The following SLC9A4 variants were observed in gnomAD, a reference collection of about 807,000 sequenced individuals.
SLC9A4 encodes solute carrier family 9 member A4.
Under a neutral mutation model 67.4 loss-of-function variants are expected in SLC9A4, and 63 were observed. The observed-to-expected ratio is 0.93, with a 90% confidence interval of 0.76 to 1.15. SLC9A4 has a LOEUF of 1.15. Among genes scored for constraint, SLC9A4 ranks in the 50% most tolerant of loss-of-function variants. The probability of loss-of-function intolerance (pLI) is 0.00; values close to 1 mark genes in which losing one functional copy is unlikely to be tolerated. For synonymous variants in SLC9A4, 393 were observed against 367.2 expected (o/e 1.07, Z -0.80); for missense variants, 1,089 against 987.7 (o/e 1.10, Z -1.38).
chr2:102,475,689 T>C (rs1199805299), intron 1 of SLC9A4, among the ~76,000 whole-genome samples: 11 of 152,220 alleles, frequency 7.2e-5, no homozygotes, highest in Admixed American at 7.2e-4. Context: ...TACAATTTCA[T>C]ATTTACTAGT....
intron 2 of SLC9A4, among the ~76,000 whole-genome samples, chr2:102,487,425 C>A (rs1684611015): frequency 1.3e-5 from 2 of 152,106 alleles, no homozygotes; most frequent in South Asian, 4.1e-4. Flanking sequence ...AACAGACAAC[C>A]CCTTTACTTC....
intron 2 of SLC9A4, among the ~76,000 whole-genome samples, chr2:102,499,709 G>T (rs1415709681): frequency 6.6e-6 from 1 of 152,152 alleles, no homozygotes; most frequent in East Asian, 1.9e-4. Flanking sequence ...TTATCTTTGA[G>T]GGAAGAAGGC....
intron 2 of SLC9A4, among the ~76,000 whole-genome samples, chr2:102,497,900 CTAA>C (rs1292281825): frequency 3.9e-5 from 6 of 152,186 alleles, no homozygotes; most frequent in African/African-American, 1.4e-4. Flanking sequence ...GGTCGAAGGA[CTAA>C]TGTTTTTAGT....
chr2:102,522,809 A>T (rs1674552865), intron 9 of SLC9A4, among the ~76,000 whole-genome samples: 1 of 152,234 alleles, frequency 6.6e-6, no homozygotes, highest in African/African-American at 2.4e-5. Flanking sequence ...ACAAGAATTC[A>T]TATTTCAAAA....
At chr2:102,510,020 T>A (rs894917429) in intron 6 of SLC9A4, among the ~76,000 whole-genome samples, 3 of 145,680 alleles carry the variant, frequency 2.1e-5, no homozygotes, top group African/African-American at 5.0e-5. Flanking sequence ...TTTTTTTTTT[T>A]ATAAAGGTAG....
intron 2 of SLC9A4, among the ~76,000 whole-genome samples, chr2:102,493,686 A>G (rs1195070730): frequency 1.3e-5 from 2 of 151,602 alleles, no homozygotes; most frequent in African/African-American, 4.9e-5. Flanking sequence ...TAGCTTCCAT[A>G]TCATCCACTC....
At chr2:102,475,713 G>C (rs1029701648) in intron 1 of SLC9A4, among the ~76,000 whole-genome samples, 3 of 152,082 alleles carry the variant, frequency 2.0e-5, no homozygotes, top group African/African-American at 4.8e-5. Context: ...CAAGAATTTA[G>C]ATTATTTTTA....
Position 102,532,810 on chromosome 2 carries a change from A to G in SLC9A4, c.*122A>G. 9.5e-7 allele frequency: 1 copy of G among 1,057,484 alleles called. No individual in the cohort carries two copies. Among genetic ancestry groups the G allele is most frequent in the Non-Finnish European group, 1.3e-6 (1 of 742,980 alleles). The allele number at this position is 1,057,484 out of a possible 1,614,324, so 65.5% of individuals were successfully genotyped here. A position where few individuals can be genotyped will look rare whatever the true frequency, so the allele number is the denominator to read the frequency against. On this transcript the variant is annotated 3_prime_UTR_variant, in exon 12 of 12. Transcript: ENST00000295269. ...GTTTGCTGTGTTGAAGCTATTAAAC[A>G]TGGATCTATAAGCAGCAGGAAGATT...
At chr2:102,522,059 G>A (rs943737626) in intron 9 of SLC9A4, among the ~76,000 whole-genome samples, 5 of 152,126 alleles carry the variant, frequency 3.3e-5, no homozygotes, top group Admixed American at 6.5e-5. Flanking sequence ...GGAGGTTCCC[G>A]GTAGGACAAC....
Position 102,473,914 on chromosome 2 carries a change from A to T in SLC9A4, c.155A>T (p.Glu52Val), listed in dbSNP as rs1221139883. The T allele has an allele frequency of 6.2e-7, 1 of 1,614,012 alleles. No individual in the cohort carries two copies. The highest frequency in any genetic ancestry group is 1.3e-5 in the African/African-American group (1 of 74,934). Residue 52 changes from glutamate (E) to valine (V), a missense_variant, in exon 1 of 12, where the codon GAG becomes GTG. Coordinates refer to ENST00000295269, the MANE Select transcript of SLC9A4 (RefSeq NM_001011552.4). ...GCTTGGTTTGCTGCTGCCAGCTCAGAGCCAGAGGAAGGGATATCTGTTTTT... is the reference window on the plus strand; with the variant it reads ...GCTTGGTTTGCTGCTGCCAGCTCAGTGCCAGAGGAAGGGATATCTGTTTTT... ...SNAWFAAASS[E>V]PEEGISVFEL... is the part of the protein sequence containing the mutation.
chr2:102,523,405 T>C (rs1674589140), intron 9 of SLC9A4, among the ~76,000 whole-genome samples: 1 of 152,176 alleles, frequency 6.6e-6, no homozygotes, highest in Non-Finnish European at 1.5e-5. Flanking sequence ...AACAATGAAC[T>C]GCAAGCCGAT....
At chr2:102,528,428 T>C (rs1275721764) in intron 11 of SLC9A4, among the ~76,000 whole-genome samples, 1 of 152,020 alleles carries the variant, frequency 6.6e-6, no homozygotes, top group East Asian at 1.9e-4. Flanking sequence ...ATTTAAATTT[T>C]TTTAGAAAAA....
At chr2:102,526,808 T>C (rs1248189780) in intron 11 of SLC9A4, among the ~76,000 whole-genome samples, 1 of 152,218 alleles carries the variant, frequency 6.6e-6, no homozygotes, top group East Asian at 1.9e-4. Flanking sequence ...GATTAAATGT[T>C]TTCCATTTAA....
At chr2:102,486,087 A>G (rs762415565) in intron 2 of SLC9A4, among the ~76,000 whole-genome samples, 24 of 152,178 alleles carry the variant, frequency 1.6e-4, no homozygotes, top group Non-Finnish European at 2.9e-4. Context: ...TCCTGCCTCA[A>G]AAGGGACCCT....
Position 102,512,271 on chromosome 2 carries a change from CAAGT to C in SLC9A4, c.1559+2_1559+5del. 1 of 1,613,878 alleles carries C rather than the reference CAAGT, an allele frequency of 6.2e-7. No individual in the cohort carries two copies. Among genetic ancestry groups the C allele is most frequent in the Non-Finnish European group, 8.5e-7 (1 of 1,179,896 alleles). On this transcript the variant is annotated splice_donor_variant and coding_sequence_variant, in exon 7 of 12. Coordinates refer to ENST00000295269, the MANE Select transcript of SLC9A4 (RefSeq NM_001011552.4). LOFTEE classifies it high-confidence loss of function. The stretch of plus-strand genomic sequence containing the variant: ...ACTGGAGTCACTACCAAGTGAGAGA[CAAGT>C]AAGGAGGCTGAGGGTTTCACTCCCT...
intron 1 of SLC9A4, among the ~76,000 whole-genome samples, chr2:102,477,118 G>T (rs1218097819): frequency 6.6e-6 from 1 of 152,216 alleles, no homozygotes; most frequent in Non-Finnish European, 1.5e-5. Flanking sequence ...CCTATGGCTG[G>T]AAGTCCACCG....
intron 1 of SLC9A4, among the ~76,000 whole-genome samples, chr2:102,476,997 T>TCTTGCTTATAG (rs543110459): frequency 2.3e-4 from 35 of 152,248 alleles, no homozygotes; most frequent in Admixed American, 2.2e-3. Flanking sequence ...GTGTTAACTT[T>TCTTGCTTATAG]CTTGCTTATA....
Position 102,510,272 on chromosome 2 carries a change from C to CAGATAT in SLC9A4, c.1488+1372_1488+1377dup, listed in dbSNP as rs145991620. 8.1e-3 allele frequency among the ~76,000 whole-genome samples: 1,020 copies of CAGATAT among 126,284 alleles called. 19 individuals are homozygous for CAGATAT. The highest frequency in any genetic ancestry group is 0.05 in the South Asian group (187 of 3,726). The allele number at this position is 126,284 out of a possible 152,430, so 82.8% of individuals were successfully genotyped here. ...ACAGATACAGATACAGATACAGATA[C>CAGATAT]AGATATAGATATAGATATAGATATA... is the stretch of plus-strand genomic sequence containing the variant. On this transcript the variant is annotated intron_variant, in intron 6 of 11. Coordinates refer to ENST00000295269, the MANE Select transcript of SLC9A4 (RefSeq NM_001011552.4).
chr2:102,508,119 T>C lies in SLC9A4; in HGVS notation c.1239T>C (p.Thr413=), dbSNP rs752677555. 6.2e-7 allele frequency: 1 copy of C among 1,614,226 alleles called. No individual in the cohort carries two copies. Among genetic ancestry groups the C allele is most frequent in the Admixed American group, 1.7e-5 (1 of 60,030 alleles). Residue 413 remains threonine, a synonymous_variant, in exon 5 of 12, where the codon ACT becomes ACC. Transcript: ENST00000295269. ...ALFYISNQFR[T]FPFSIKDQCI... Reference sequence around the variant, plus strand: ...TCTATATCAGTAACCAGTTTCGGACTTTCCCCTTCTCCATCAAGGACCAGT... The same window carrying C: ...TCTATATCAGTAACCAGTTTCGGACCTTCCCCTTCTCCATCAAGGACCAGT...
Sources: gnomAD v4.1 joint callset for allele counts (sites outside exome capture counted in the v4.1 genomes callset) on GRCh38, gnomAD v4.1.1 for gene constraint, MANE v1.5 for transcripts, NCBI Gene and HGNC (gene_info 2026-07-23, HGNC 2026-07-21) for gene names.